SMAP1: variants seen among roughly 807,000 people sequenced by gnomAD.
SMAP1 encodes small ArfGAP 1, also known as stromal membrane-associated protein 1.
In SMAP1, 24 loss-of-function variants were observed where a neutral mutation model predicts 58.5. The ratio of observed to expected loss-of-function variants is 0.41; its 90% CI spans 0.30 to 0.58. SMAP1 has a LOEUF of 0.58. Ranked by LOEUF, SMAP1 falls within the 20% of genes least tolerant of loss-of-function variation. The pLI is 0.29. For synonymous variants in SMAP1, 216 were observed against 196.6 expected (o/e 1.10, Z -0.82); for missense variants, 563 against 566.3 (o/e 0.99, Z 0.06).
At chr6:70,668,772 G>A (rs970588575) in intron 1 of SMAP1, 11 of 1,522,602 alleles carry the variant, frequency 7.2e-6, no homozygotes, top group Non-Finnish European at 8.8e-6. Flanking sequence ...ATTAGTAGTA[G>A]TATTGTTTTT....
In SMAP1 at chr6:70,860,682, TAATAG is replaced by T. The variant is rs1019077835; in HGVS notation, c.*349_*353del. On this transcript the variant is annotated 3_prime_UTR_variant, in exon 11 of 11. Coordinates refer to ENST00000370455, the MANE Select transcript of SMAP1 (RefSeq NM_001044305.3). ...GTAGTTATCATGTTAGTAATACCTC[TAATAG>T]TATAAACCCCACCCCAAAATTAGCC... 8.8e-5 allele frequency: 36 copies of T among 409,958 alleles called. No homozygotes were observed. Among genetic ancestry groups the T allele is most frequent in the Middle Eastern group, 6.1e-4 (1 of 1,642 alleles). The allele number at this position is 409,958 out of a possible 1,614,324, so 25.4% of individuals were successfully genotyped here. A position where few individuals can be genotyped will look rare whatever the true frequency, so the allele number is the denominator to read the frequency against.
rs1295636943 is a variant in SMAP1, at chr6:70,859,471, TTATG to T, written c.1270-727_1270-724del. ...ACTTATGCCTGATTAGTGATGTAGT[TTATG>T]TTAGTGTCTTTGAAACTGTAAATAA... On this transcript the variant is annotated intron_variant, in intron 10 of 10. Coordinates refer to ENST00000370455, the MANE Select transcript of SMAP1 (RefSeq NM_001044305.3). 4 of 1,146,252 alleles carry T rather than the reference TTATG, an allele frequency of 3.5e-6. No homozygotes were observed. The African/African-American group carries it at 6.2e-5, about 18-fold the overall frequency. The allele number at this position is 1,146,252 out of a possible 1,614,324, so 71.0% of individuals were successfully genotyped here.
chr6:70,782,953 G>A (rs780630289), intron 4 of SMAP1, among the ~76,000 whole-genome samples: 3 of 152,132 alleles, frequency 2.0e-5, no homozygotes, highest in East Asian at 1.9e-4. Flanking sequence ...CTCCCAGCAC[G>A]CAGCTGGAGA....
At chr6:70,834,094 A>G (rs936678473) in intron 6 of SMAP1, among the ~76,000 whole-genome samples, 8 of 152,194 alleles carry the variant, frequency 5.3e-5, no homozygotes, top group African/African-American at 1.9e-4. Flanking sequence ...GGGAGTTGGG[A>G]TTACTAGAGG....
At position 70,860,716 on chromosome 6, in the gene SMAP1, A is replaced by AATC. The variant is rs1270072602; in HGVS notation, c.*383_*385dup. Reference sequence around the variant, plus strand: ...AAACCCCACCCCAAAATTAGCCAGTAATCCTGTAGGAAGGTACTGTATGAT... The same window carrying AATC: ...AAACCCCACCCCAAAATTAGCCAGTAATCATCCTGTAGGAAGGTACTGTATGAT... On this transcript the variant is annotated 3_prime_UTR_variant, in exon 11 of 11. Transcript: ENST00000370455. 2 of 403,396 alleles carry AATC rather than the reference A, an allele frequency of 5.0e-6. No individual in the cohort carries two copies. The highest frequency in any genetic ancestry group is 4.1e-5 in the African/African-American group (2 of 48,688). 25.0% of individuals were successfully genotyped at this position (403,396 alleles called of 1,614,324 possible).
rs773058288 is a variant in SMAP1 at position 70,836,953 on chromosome 6, G to A, written c.589G>A (p.Asp197Asn). The change falls in exon 7 of 11, where the codon GAT (aspartate) becomes AAT (asparagine). Residue 197 changes from aspartate (D) to asparagine (N), a missense_variant. Physicochemically the swap from Asp to Asn is conservative, Grantham distance 23. Coordinates refer to ENST00000370455, the MANE Select transcript of SMAP1 (RefSeq NM_001044305.3). ...ATTTACTTTAAAGCTGCAGAAGAAA[G>A]ATCAGCAACTGGAGCCTAAAAAAAG... ...PLTAEKLQKKDQQLEPKKSTS... is the reference protein window; with the variant it reads ...PLTAEKLQKKNQQLEPKKSTS... 4 of 1,593,870 alleles carry A rather than the reference G, an allele frequency of 2.5e-6. No individual in the cohort carries two copies. The highest frequency in any genetic ancestry group is 2.3e-5 in the East Asian group (1 of 43,812).
chr6:70,773,254 A>G (rs1357111127), intron 3 of SMAP1, 96 bp from the exon 4 acceptor site: 2 of 699,506 alleles, frequency 2.9e-6, no homozygotes, highest in Non-Finnish European at 4.8e-6. Flanking sequence ...GAGTAGGAAA[A>G]TTAAATTTAG....
chr6:70,837,095 A>T (rs1330737098), intron 7 of SMAP1, 67 bp downstream of exon 7: 2 of 1,196,056 alleles, frequency 1.7e-6, no homozygotes, highest in Non-Finnish European at 2.3e-6. Flanking sequence ...CTTGGAGTGA[A>T]TATAATGGCT....
chr6:70,819,168 T>C lies in SMAP1; in HGVS notation c.577-17773T>C, dbSNP rs578166044. 5.9e-5 allele frequency among the ~76,000 whole-genome samples: 9 copies of C among 152,330 alleles called. No homozygotes were observed. In the East Asian group the frequency reaches 1.3e-3, roughly 23 times the overall value. On this transcript the variant is annotated intron_variant, in intron 6 of 10. Transcript: ENST00000370455. ...TCACTTAGCATAGTCTTTTCAAGGC[T>C]TATCCATGTTTGTAGCATGTAAAAG...
intron 2 of SMAP1, 150 bp downstream of exon 2, chr6:70,732,661 T>TATA: frequency 1.6e-6 from 1 of 630,870 alleles, no homozygotes; most frequent in Non-Finnish European, 2.3e-6. Context: ...ATTTGAATTT[T>TATA]CAGTTCACAG....
At chr6:70,690,045 C>A (rs961977446) in intron 1 of SMAP1, among the ~76,000 whole-genome samples, 1 of 151,932 alleles carries the variant, frequency 6.6e-6, no homozygotes, top group African/African-American at 2.4e-5. Context: ...CTTTTATTTC[C>A]TTTTTCTTAT....
chr6:70,779,624 G>T (rs927182849), intron 4 of SMAP1, among the ~76,000 whole-genome samples: 1 of 152,130 alleles, frequency 6.6e-6, no homozygotes, highest in Non-Finnish European at 1.5e-5. Flanking sequence ...TTGGCTAGCT[G>T]CATGGCTTCC....
chr6:70,668,177 C>A lies in SMAP1; in HGVS notation c.118+36C>A, dbSNP rs1166273620. 3 of 1,547,002 alleles carry A rather than the reference C, an allele frequency of 1.9e-6. No individual in the cohort carries two copies. The East Asian group carries it at 7.3e-5, about 38-fold the overall frequency. ...CGTCGTCGCTGCCCACGGTCGGGGC[C>A]TCTTGCGACCGGTGACCTTCCCGCC... On this transcript the variant is annotated intron_variant, in intron 1 of 10. Coordinates refer to ENST00000370455, the MANE Select transcript of SMAP1 (RefSeq NM_001044305.3).
intron 1 of SMAP1, among the ~76,000 whole-genome samples, chr6:70,680,938 C>G (rs1251132213): frequency 4.0e-5 from 6 of 151,738 alleles, no homozygotes; most frequent in African/African-American, 7.3e-5. Flanking sequence ...AGGCTGGTCT[C>G]GAACTCCTGA....
chr6:70,826,459 A>G (rs1770122353), intron 6 of SMAP1, among the ~76,000 whole-genome samples: 1 of 151,726 alleles, frequency 6.6e-6, no homozygotes, highest in South Asian at 2.1e-4. Context: ...GTTGCCTGCC[A>G]TGGATTCTTT....
chr6:70,789,004 T>C lies in SMAP1; in HGVS notation c.415-2685T>C, dbSNP rs185044511. On this transcript the variant is annotated intron_variant, in intron 4 of 10. Coordinates refer to ENST00000370455, the MANE Select transcript of SMAP1 (RefSeq NM_001044305.3). ...GATTTAGAAAGAAGACTCGAGTACC[T>C]AGCTTTTCATGTCTCTGTATTTGTT... Among the ~76,000 whole-genome samples, 4 of 152,304 alleles carry C rather than the reference T, an allele frequency of 2.6e-5. No individual in the cohort carries two copies. The East Asian group carries it at 7.7e-4, about 29-fold the overall frequency.
intron 6 of SMAP1, among the ~76,000 whole-genome samples, chr6:70,831,676 A>G (rs1026522806): frequency 3.9e-5 from 6 of 152,076 alleles, no homozygotes; most frequent in African/African-American, 7.2e-5. Context: ...GTTGATGGGC[A>G]TTTAGGTTGA....
At position 70,859,049 on chromosome 6, in the gene SMAP1, G is replaced by A. The variant is rs538093912; in HGVS notation, c.1269+820G>A. ...CCCATTGATGTTCCTCCAGCATTTT[G>A]GCAATCTTGGTTTCTGTTTGGTCAC... On this transcript the variant is annotated intron_variant, in intron 10 of 10. Coordinates refer to ENST00000370455, the MANE Select transcript of SMAP1 (RefSeq NM_001044305.3). The A allele has an allele frequency of 1.1e-3, 265 of 236,612 alleles. 1 individual carries two copies. The highest frequency in any genetic ancestry group is 5.6e-3 in the African/African-American group (247 of 44,366). 14.7% of individuals were successfully genotyped at this position (236,612 alleles called of 1,614,324 possible).
chr6:70,820,283 A>T (rs1478064024), intron 6 of SMAP1, among the ~76,000 whole-genome samples: 1 of 152,174 alleles, frequency 6.6e-6, no homozygotes, highest in Non-Finnish European at 1.5e-5. Flanking sequence ...ATAGATTTTC[A>T]TGTCATTTTT....
Sources: allele counts gnomAD v4.1 joint callset (sites outside exome capture counted in the v4.1 genomes callset), GRCh38; gene constraint gnomAD v4.1.1; transcripts MANE v1.5; gene names NCBI Gene and HGNC (gene_info 2026-07-23, HGNC 2026-07-21).